The following CDH20 variants were observed in gnomAD, a reference collection of about 807,000 sequenced individuals.
The protein encoded by CDH20 is cadherin 20.
In CDH20, 29 loss-of-function variants were observed where a neutral mutation model predicts 74.2. That is an observed-to-expected ratio of 0.39 (90% CI 0.29 to 0.53). CDH20 has a LOEUF of 0.53. Ranked by LOEUF, CDH20 falls within the 20% of genes least tolerant of loss-of-function variation. The pLI, the probability that CDH20 is intolerant of heterozygous loss-of-function variation, is 0.69. For missense variants in CDH20, 988 were observed against 1,048.3 expected (o/e 0.94, Z 0.79); for synonymous variants, 469 against 405.4 (o/e 1.16, Z -1.88).
At chr18:61,447,913 G>A (rs1002165702) in intron 1 of CDH20, among the ~76,000 whole-genome samples, 1 of 152,046 alleles carries the variant, frequency 6.6e-6, no homozygotes, top group Non-Finnish European at 1.5e-5. Context: ...AGATGTCCTG[G>A]GCAGCCGATT....
At chr18:61,477,315 C>T (rs1910424917) in intron 1 of CDH20, among the ~76,000 whole-genome samples, 1 of 152,174 alleles carries the variant, frequency 6.6e-6, no homozygotes, top group Non-Finnish European at 1.5e-5. Context: ...ATAAAGGTAA[C>T]TGGGATCTGT....
In CDH20 at chr18:61,554,276, G is replaced by A. The variant is rs1478380000; in HGVS notation, c.1987G>A (p.Val663Ile). Residue 663 changes from valine (V) to isoleucine (I), a missense_variant, in exon 12 of 12, where the codon GTC becomes ATC. Physicochemically the swap from Val to Ile is conservative, Grantham distance 29. Around this residue, in one of 2 missense-constraint regions of CDH20, gnomAD observed 375 missense variants for 293.1 expected, o/e 1.28. Transcript: ENST00000262717. ...CGAGGAAAACATCCACGAGAACATCGTCCGCTACGACGACGAGGGCGGCGG... is the reference window on the plus strand; with the variant it reads ...CGAGGAAAACATCCACGAGAACATCATCCGCTACGACGACGAGGGCGGCGG... ...DDEENIHENI[V>I]RYDDEGGGEE... 7.4e-6 allele frequency: 12 copies of A among 1,613,866 alleles called. No homozygotes were observed. Among genetic ancestry groups the A allele is most frequent in the South Asian group, 1.1e-5 (1 of 91,082 alleles).
chr18:61,395,965 C>T (rs559227573), intron 1 of CDH20, among the ~76,000 whole-genome samples: 6 of 152,238 alleles, frequency 3.9e-5, no homozygotes, highest in South Asian at 4.1e-4. Flanking sequence ...TGAGACTGTG[C>T]ACCAGCCTTG....
chr18:61,379,477 T>G (rs1911360921), intron 1 of CDH20, among the ~76,000 whole-genome samples: 1 of 152,214 alleles, frequency 6.6e-6, no homozygotes, highest in Non-Finnish European at 1.5e-5. Flanking sequence ...ACTTAGAGTC[T>G]TTTCTCTTTC....
At chr18:61,501,014 T>A (rs1911364519) in intron 4 of CDH20, among the ~76,000 whole-genome samples, 2 of 152,198 alleles carry the variant, frequency 1.3e-5, no homozygotes, top group South Asian at 4.1e-4. Flanking sequence ...TGTGGTCTGA[T>A]GTTCTTTCTA....
intron 1 of CDH20, among the ~76,000 whole-genome samples, chr18:61,443,762 G>A (rs896506491): frequency 1.3e-4 from 20 of 152,208 alleles, no homozygotes; most frequent in East Asian, 3.9e-4. Context: ...TGTTGGTTGC[G>A]ATTTGGACAG....
intron 7 of CDH20, 62 bp from the exon 8 acceptor site, chr18:61,536,429 CAT>C: frequency 7.3e-7 from 1 of 1,376,724 alleles, no homozygotes. Flanking sequence ...TCAGTTGTCT[CAT>C]GTGGTATGCT....
intron 1 of CDH20, among the ~76,000 whole-genome samples, chr18:61,357,852 C>A (rs1489287738): frequency 6.6e-6 from 1 of 152,088 alleles, no homozygotes; most frequent in Non-Finnish European, 1.5e-5. Context: ...GACTTCATCT[C>A]GTGATCTCTT....
Position 61,528,166 on chromosome 18 carries a change from C to T in CDH20, c.1217C>T (p.Thr406Ile), listed in dbSNP as rs771373009. Residue 406 changes from threonine to isoleucine, a missense_variant, in exon 7 of 12, where the codon ACA becomes ATA. Thr to Ile is a moderately conservative substitution (Grantham distance 89, BLOSUM62 -1). Coordinates refer to ENST00000262717, the MANE Select transcript of CDH20 (RefSeq NM_031891.4). ...GTGCCTGAGGATGTGGCGATTGGAA[C>T]AACCATACAGATCATTTCTGCCAAG... ...VEVPEDVAIG[T>I]TIQIISAKDP... 1.9e-6 allele frequency: 3 copies of T among 1,614,098 alleles called. No individual in the cohort carries two copies. Among genetic ancestry groups the T allele is most frequent in the Non-Finnish European group, 2.5e-6 (3 of 1,179,962 alleles).
Position 61,536,422 on chromosome 18 carries a change from G to A in CDH20, c.1272-71G>A, listed in dbSNP as rs1599154148. 8 of 1,272,148 alleles carry A rather than the reference G, an allele frequency of 6.3e-6. No homozygotes were observed. The East Asian group carries it at 1.9e-4, about 30-fold the overall frequency. The allele number at this position is 1,272,148 out of a possible 1,614,324, so 78.8% of individuals were successfully genotyped here. ...CCATGTTTCATATGGTAGGCACTCA[G>A]TTGTCTCATGTGGTATGCTGTCATA... On this transcript the variant is annotated intron_variant, in intron 7 of 11. Transcript: ENST00000262717.
intron 10 of CDH20, among the ~76,000 whole-genome samples, chr18:61,547,821 T>C (rs1339914837): frequency 1.3e-5 from 2 of 152,068 alleles, no homozygotes; most frequent in Non-Finnish European, 2.9e-5. Context: ...ACAAAAATTT[T>C]CCAAGTGGCT....
intron 7 of CDH20, among the ~76,000 whole-genome samples, chr18:61,531,594 ATG>A (rs1170103447): frequency 2.0e-5 from 3 of 152,236 alleles, no homozygotes; most frequent in Non-Finnish European, 4.4e-5. Flanking sequence ...ACTCTGAAGC[ATG>A]TGTTTTTCTT....
chr18:61,532,477 C>T (rs1481487401), intron 7 of CDH20, among the ~76,000 whole-genome samples: 1 of 151,176 alleles, frequency 6.6e-6, no homozygotes, highest in Non-Finnish European at 1.5e-5. Context: ...GTATTTGATA[C>T]AATACATTTT....
intron 7 of CDH20, among the ~76,000 whole-genome samples, chr18:61,531,584 A>T (rs574616306): frequency 2.0e-5 from 3 of 152,312 alleles, no homozygotes; most frequent in Admixed American, 2.0e-4. Flanking sequence ...TTTTAAATGA[A>T]CTCTGAAGCA....
At chr18:61,344,065 T>G (rs904519614) in intron 1 of CDH20, among the ~76,000 whole-genome samples, 1 of 152,180 alleles carries the variant, frequency 6.6e-6, no homozygotes, top group Non-Finnish European at 1.5e-5. Context: ...AACTCTTTCT[T>G]AGAGGCTATT....
At chr18:61,388,144 G>A (rs944998061) in intron 1 of CDH20, among the ~76,000 whole-genome samples, 1 of 152,164 alleles carries the variant, frequency 6.6e-6, no homozygotes, top group African/African-American at 2.4e-5. Flanking sequence ...GGAAGGAGGA[G>A]GCGCCATGAG....
intron 1 of CDH20, among the ~76,000 whole-genome samples, chr18:61,402,983 T>C (rs1272059086): frequency 1.3e-5 from 2 of 152,196 alleles, no homozygotes; most frequent in Non-Finnish European, 2.9e-5. Flanking sequence ...CCTCAATCCT[T>C]TATTTTTACC....
chr18:61,542,580 G>A (rs1306275300), intron 9 of CDH20, among the ~76,000 whole-genome samples: 2 of 151,918 alleles, frequency 1.3e-5, no homozygotes, highest in South Asian at 2.1e-4. Context: ...ACATTAATTA[G>A]TCACTGGATG....
rs752174286 is a variant in CDH20 at position 61,554,327 on chromosome 18, A to G, written c.2038A>G (p.Ile680Val). The G allele has an allele frequency of 1.9e-6, 3 of 1,613,664 alleles. No individual in the cohort carries two copies. The highest frequency in any genetic ancestry group is 2.5e-6 in the Non-Finnish European group (3 of 1,179,944). ...GGEEDTEAFD[I>V]AAMWNPREAQ... Reference sequence around the variant, plus strand: ...CGAGGAGGACACCGAGGCCTTCGACATCGCGGCCATGTGGAACCCCCGGGA... The same window carrying G: ...CGAGGAGGACACCGAGGCCTTCGACGTCGCGGCCATGTGGAACCCCCGGGA... The change falls in exon 12 of 12, where the codon ATC becomes GTC. Residue 680 changes from isoleucine to valine, a missense_variant. This residue lies in a region of CDH20 where 375 missense variants were observed against 293.1 expected (regional missense o/e 1.28). Coordinates refer to ENST00000262717, the MANE Select transcript of CDH20 (RefSeq NM_031891.4).
Sources: allele counts gnomAD v4.1 joint callset (sites outside exome capture counted in the v4.1 genomes callset), GRCh38; gene constraint gnomAD v4.1.1; regional missense constraint gnomAD v4.1.1; transcripts MANE v1.5; gene names NCBI Gene and HGNC (gene_info 2026-07-23, HGNC 2026-07-21).